The following HIVEP3 variants were observed in gnomAD, a reference collection of about 807,000 sequenced individuals.
HIVEP3 encodes the protein transcription factor HIVEP3.
A neutral mutation model predicts 152.8 loss-of-function variants in HIVEP3; 49 were observed. The observed-to-expected ratio is 0.32, with a 90% CI of 0.26 to 0.41. The LOEUF (loss-of-function observed/expected upper bound fraction) is 0.41, where lower values mean the gene tolerates loss of function less well. HIVEP3 is among the 10% of genes least tolerant of loss of function. The probability of loss-of-function intolerance (pLI) is 1.00; values close to 1 mark genes in which losing one functional copy is unlikely to be tolerated. For synonymous variants in HIVEP3, 1,269 were observed against 1,289.0 expected (o/e 0.98, Z 0.33); for missense variants, 2,790 against 3,103.3 (o/e 0.90, Z 2.40).
intron 1 of HIVEP3, among the ~76,000 whole-genome samples, chr1:41,818,078 T>C (rs944278764): frequency 5.9e-5 from 9 of 151,948 alleles, no homozygotes; most frequent in African/African-American, 2.2e-4. Context: ...AAACACAACA[T>C]ACCATCAATT....
At position 41,513,677 on chromosome 1, in the gene HIVEP3, C is replaced by T. The variant is rs774323386; in HGVS notation, c.5544G>A (p.Ser1848=). ...AGTCTGAGTCCGAGTCCTCCAGGTC[C>T]GAAAACTGGTGCTCCTCCACAGCCT... ...GSEAVEEHQF[S]DLEDSDSDSD... is the part of the protein sequence containing the mutation. Residue 1848 remains serine, a synonymous_variant, in exon 8 of 9, where the codon TCG becomes TCA. Transcript: ENST00000372583. 137 of 1,612,176 alleles carry T rather than the reference C, an allele frequency of 8.5e-5. 1 individual carries two copies. In the East Asian group the frequency reaches 1.6e-3, roughly 19 times the overall value.
chr1:41,721,303 G>A (rs1489615239), intron 1 of HIVEP3, among the ~76,000 whole-genome samples: 1 of 152,022 alleles, frequency 6.6e-6, no homozygotes, highest in Non-Finnish European at 1.5e-5. Flanking sequence ...CACATCCCAG[G>A]TTCAAGCGAT....
At position 41,664,029 on chromosome 1, in the gene HIVEP3, C is replaced by T. The variant is rs1167538541; in HGVS notation, c.-720-35082G>A. On this transcript the variant is annotated intron_variant, in intron 2 of 8. Coordinates refer to ENST00000372583, the MANE Select transcript of HIVEP3 (RefSeq NM_024503.5). This position sits in a 1 kb window ranked among gnomAD's most constrained non-coding sequence, Gnocchi z 4.4. ...CCATTTGCCCAGCCACCACCCCCAA[C>T]ACGCACCACTTTGCACCAGTTTCCA... Among the ~76,000 whole-genome samples the T allele has an allele frequency of 1.3e-5, 2 of 152,230 alleles. No individual in the cohort carries two copies. The highest frequency in any genetic ancestry group is 2.9e-5 in the Non-Finnish European group (2 of 68,038).
intron 3 of HIVEP3, among the ~76,000 whole-genome samples, chr1:41,603,808 G>A (rs1455106642): frequency 1.3e-5 from 2 of 152,198 alleles, no homozygotes; most frequent in African/African-American, 4.8e-5. Context: ...CTGCTATTTG[G>A]TGGAATTTTT....
rs145973637 is a variant in HIVEP3, at chr1:41,533,482, C to T, written c.5208-8572G>A. On this transcript the variant is annotated intron_variant, in intron 5 of 8. Coordinates refer to ENST00000372583, the MANE Select transcript of HIVEP3 (RefSeq NM_024503.5). The surrounding 1 kb of genome is among the most constrained non-coding windows in gnomAD (Gnocchi z 4.3). ...TGCTGTCCCTCTTTCCTGCACAGCCCGGATCTGGAGAGGGCTGTCCACACC... is the reference window on the plus strand; with the variant it reads ...TGCTGTCCCTCTTTCCTGCACAGCCTGGATCTGGAGAGGGCTGTCCACACC... 1.6e-3 allele frequency among the ~76,000 whole-genome samples: 248 copies of T among 152,190 alleles called. No individual in the cohort carries two copies. The highest frequency in any genetic ancestry group is 4.9e-3 in the Admixed American group (75 of 15,298).
chr1:41,876,452 T>C (rs1017394588), intron 1 of HIVEP3, among the ~76,000 whole-genome samples: 2 of 152,174 alleles, frequency 1.3e-5, no homozygotes, highest in Non-Finnish European at 2.9e-5. Context: ...AAGATAATAA[T>C]AGAACCTGTT....
chr1:41,880,887 T>C (rs192235812), intron 1 of HIVEP3, among the ~76,000 whole-genome samples: 92 of 152,322 alleles, frequency 6.0e-4, no homozygotes, highest in African/African-American at 2.2e-3. Context: ...TCTCTAGTAC[T>C]AAGACAATGG....
intron 1 of HIVEP3, among the ~76,000 whole-genome samples, chr1:41,798,081 T>G (rs370188598): frequency 6.6e-6 from 1 of 152,028 alleles, no homozygotes; most frequent in African/African-American, 2.4e-5. Flanking sequence ...TAGGTGGGAA[T>G]TGAACAATGA....
At chr1:41,830,232 GA>G (rs1558306653) in intron 1 of HIVEP3, among the ~76,000 whole-genome samples, 1 of 152,172 alleles carries the variant, frequency 6.6e-6, no homozygotes, top group Non-Finnish European at 1.5e-5. Flanking sequence ...TCCAAGATGG[GA>G]AATTTGCCTA....
intron 1 of HIVEP3, among the ~76,000 whole-genome samples, chr1:41,798,762 A>G (rs772680768): frequency 6.6e-6 from 1 of 152,194 alleles, no homozygotes; most frequent in Non-Finnish European, 1.5e-5. Flanking sequence ...ATGTTTATTG[A>G]AGAAAAAAAA....
At chr1:41,573,829 A>C (rs906864691) in intron 5 of HIVEP3, among the ~76,000 whole-genome samples, 2 of 152,186 alleles carry the variant, frequency 1.3e-5, no homozygotes, top group Non-Finnish European at 2.9e-5. Flanking sequence ...CTCAACCGAG[A>C]GGATTCTGAA....
rs1473852658 is a variant in HIVEP3 at position 41,516,917 on chromosome 1, A to G, written c.5470+1485T>C. Among the ~76,000 whole-genome samples the G allele has an allele frequency of 2.6e-5, 4 of 152,166 alleles. No homozygotes were observed. In the East Asian group the frequency reaches 7.7e-4, roughly 29 times the overall value. On this transcript the variant is annotated intron_variant, in intron 7 of 8. Transcript: ENST00000372583. ...GCTCTTCTGCTTTCTCTTTGGCTTC[A>G]CAGGCAGGGCCCCTGCTCTACTCCA...
intron 6 of HIVEP3, among the ~76,000 whole-genome samples, chr1:41,523,485 T>A (rs188466308): frequency 6.6e-6 from 1 of 151,544 alleles, no homozygotes; most frequent in East Asian, 1.9e-4. Context: ...AGGGCAGGGG[T>A]TCAGTTAATG....
At chr1:41,716,777 C>A (rs1183972049) in intron 1 of HIVEP3, among the ~76,000 whole-genome samples, 2 of 152,134 alleles carry the variant, frequency 1.3e-5, no homozygotes, top group Non-Finnish European at 2.9e-5. Context: ...CAGTAACAAG[C>A]CGTGGGGAGC....
At chr1:42,030,627 C>T (rs564261859) in intron 1 of HIVEP3, among the ~76,000 whole-genome samples, 101 of 152,280 alleles carry the variant, frequency 6.6e-4, no homozygotes, top group Admixed American at 2.9e-3. Flanking sequence ...CTCAGGCCCT[C>T]GTGGCTCTTA....
chr1:41,959,907 C>T (rs1183386640), intron 1 of HIVEP3, among the ~76,000 whole-genome samples: 1 of 152,126 alleles, frequency 6.6e-6, no homozygotes, highest in African/African-American at 2.4e-5. Context: ...AGTTGTCTTA[C>T]TGGCAAGGGG....
chr1:41,844,475 C>T (rs894901283), intron 1 of HIVEP3, among the ~76,000 whole-genome samples: 9 of 152,210 alleles, frequency 5.9e-5, no homozygotes, highest in Admixed American at 1.3e-4. Context: ...AGCAGTATCG[C>T]TAGACGTCAT....
chr1:41,597,644 C>T (rs1005087465), intron 3 of HIVEP3, among the ~76,000 whole-genome samples: 1 of 152,198 alleles, frequency 6.6e-6, no homozygotes, highest in Non-Finnish European at 1.5e-5. Context: ...GCAGTGGTGA[C>T]CCTCAAGGCA....
chr1:41,937,732 C>T (rs1645026693), intron 1 of HIVEP3, among the ~76,000 whole-genome samples: 2 of 152,162 alleles, frequency 1.3e-5, no homozygotes, highest in South Asian at 4.1e-4. Flanking sequence ...TATCCCTGGT[C>T]ATGGACTTTT....
Sources: allele counts gnomAD v4.1 joint callset (sites outside exome capture counted in the v4.1 genomes callset), GRCh38; gene constraint gnomAD v4.1.1; non-coding constraint Gnocchi (gnomAD v3.1); transcripts MANE v1.5; gene names NCBI Gene and HGNC (gene_info 2026-07-23, HGNC 2026-07-21).